NPY2R: variants seen among roughly 807,000 people sequenced by gnomAD.
NPY2R encodes neuropeptide Y receptor Y2.
A neutral mutation model predicts 22.3 loss-of-function variants in NPY2R; 17 were observed. The ratio of observed to expected loss-of-function variants is 0.76; its 90% CI spans 0.52 to 1.14. The LOEUF is 1.14. Ranked by LOEUF, NPY2R falls within the 50% of genes most tolerant of loss-of-function variation. The pLI is 0.00. For missense variants in NPY2R, 424 were observed against 467.9 expected (o/e 0.91, Z 0.87); for synonymous variants, 209 against 183.4 (o/e 1.14, Z -1.13).
the NPY2R span, chr4:155,174,235 C>A: frequency 6.6e-6 from 1 of 151,840 alleles, no homozygotes; most frequent in African/African-American, 2.4e-5. Flanking sequence ...AACCAAGTTT[C>A]CCTTAAATAA....
the NPY2R span, among the ~76,000 whole-genome samples, chr4:155,192,311 C>T: frequency 6.6e-6 from 1 of 151,758 alleles, no homozygotes; most frequent in African/African-American, 2.4e-5. Flanking sequence ...TTAGAACCAA[C>T]TCCAAGAGGC....
At chr4:155,179,784 C>T in the NPY2R span, among the ~76,000 whole-genome samples, 1 of 152,142 alleles carries the variant, frequency 6.6e-6, no homozygotes, top group East Asian at 1.9e-4. Context: ...GATATTCTAT[C>T]CCACAAATTC....
At chr4:155,199,388 A>G in the NPY2R span, among the ~76,000 whole-genome samples, 1 of 152,250 alleles carries the variant, frequency 6.6e-6, no homozygotes, top group East Asian at 1.9e-4. Flanking sequence ...ATGGAAAAAC[A>G]TTTCATCCTC....
In NPY2R at chr4:155,216,856, C is replaced by T. The variant is rs1215080356; in HGVS notation, c.*1771C>T. ...AGTAGCAGTCACTTTGCTTAAGATGCTAATAGAAAACTGTGGTTAAAGATT... is the reference window on the plus strand; with the variant it reads ...AGTAGCAGTCACTTTGCTTAAGATGTTAATAGAAAACTGTGGTTAAAGATT... On this transcript the variant is annotated 3_prime_UTR_variant, in exon 2 of 2. Transcript: ENST00000329476. 6.0e-6 allele frequency: 1 copy of T among 166,896 alleles called. No homozygotes were observed. The highest frequency in any genetic ancestry group is 1.5e-5 in the Non-Finnish European group (1 of 68,072). 10.3% of individuals were successfully genotyped at this position (166,896 alleles called of 1,614,324 possible).
chr4:155,206,680 C>T (rs2111030143), upstream of NPY2R: 1 of 152,314 alleles, frequency 6.6e-6, no homozygotes, highest in South Asian at 2.1e-4. Flanking sequence ...TTGGTTATGG[C>T]TGCTAATACG....
chr4:155,205,785 G>T (rs1203926578), upstream of NPY2R, among the ~76,000 whole-genome samples: 2 of 151,194 alleles, frequency 1.3e-5, no homozygotes, highest in East Asian at 1.9e-4. Context: ...AATATTGGAG[G>T]CCCATGATGA....
At chr4:155,177,354 G>A in the NPY2R span, among the ~76,000 whole-genome samples, 2 of 152,152 alleles carry the variant, frequency 1.3e-5, no homozygotes, top group African/African-American at 4.8e-5. Context: ...ATCTAAAAGG[G>A]AGAAATAAGC....
At chr4:155,174,484 A>ATATATATATATATATATATTTTTTTTT in the NPY2R span, among the ~76,000 whole-genome samples, 1 of 106,120 alleles carries the variant, frequency 9.4e-6, no homozygotes, top group African/African-American at 4.5e-5. Flanking sequence ...ATATATATAT[A>ATATATATATATATATATATTTTTTTTT]TTTTTTTTTT....
chr4:155,193,467 G>T, the NPY2R span, among the ~76,000 whole-genome samples: 6 of 151,860 alleles, frequency 4.0e-5, no homozygotes, highest in African/African-American at 1.2e-4. Context: ...ATAAGGGCTC[G>T]CCTGAGAAAT....
At chr4:155,185,039 T>C in the NPY2R span, among the ~76,000 whole-genome samples, 129 of 96,632 alleles carry the variant, frequency 1.3e-3, no homozygotes, top group African/African-American at 4.8e-3. Flanking sequence ...ACTATATATA[T>C]ATATATTTTT....
the NPY2R span, among the ~76,000 whole-genome samples, chr4:155,182,834 C>T: frequency 6.6e-6 from 1 of 151,960 alleles, no homozygotes; most frequent in Non-Finnish European, 1.5e-5. Flanking sequence ...GCTGTTTCAC[C>T]CAGGCTGGAG....
chr4:155,196,045 G>GA, the NPY2R span, among the ~76,000 whole-genome samples: 5 of 151,862 alleles, frequency 3.3e-5, no homozygotes, highest in Non-Finnish European at 2.9e-5. Context: ...TTTCTAAAAT[G>GA]AAAAAAAATC....
chr4:155,176,913 C>G, the NPY2R span, among the ~76,000 whole-genome samples: 1 of 152,230 alleles, frequency 6.6e-6, no homozygotes, highest in Admixed American at 6.5e-5. Context: ...ACACTGTGTT[C>G]CCATGGCGGA....
chr4:155,193,971 A>G, the NPY2R span, among the ~76,000 whole-genome samples: 2 of 151,968 alleles, frequency 1.3e-5, no homozygotes, highest in African/African-American at 4.8e-5. Context: ...TGAAAGTGCT[A>G]CAAGTGTCAA....
upstream of NPY2R, among the ~76,000 whole-genome samples, chr4:155,205,406 A>G (rs954529376): frequency 6.6e-6 from 1 of 152,200 alleles, no homozygotes; most frequent in African/African-American, 2.4e-5. Flanking sequence ...GTTAAAATGA[A>G]ATTACAGTGC....
chr4:155,180,902 G>T, the NPY2R span, among the ~76,000 whole-genome samples: 1 of 151,436 alleles, frequency 6.6e-6, no homozygotes, highest in Admixed American at 6.6e-5. Flanking sequence ...CTATACATTC[G>T]AACTGATGAA....
upstream of NPY2R, among the ~76,000 whole-genome samples, chr4:155,204,512 C>T (rs532496215): frequency 6.6e-6 from 1 of 152,218 alleles, no homozygotes; most frequent in East Asian, 1.9e-4. Flanking sequence ...CGCTCTTACT[C>T]CCTGCTGGAT....
the NPY2R span, among the ~76,000 whole-genome samples, chr4:155,176,817 T>A: frequency 2.9e-3 from 435 of 152,186 alleles, 4 homozygotes; most frequent in South Asian, 0.011. Context: ...CAGTGTCCCT[T>A]CCAAAATGGT....
chr4:155,180,713 G>A, the NPY2R span, among the ~76,000 whole-genome samples: 1 of 151,568 alleles, frequency 6.6e-6, no homozygotes, highest in Non-Finnish European at 1.5e-5. Flanking sequence ...TTCCAATTAG[G>A]CTTCATGTTT....
Sources: allele counts gnomAD v4.1 joint callset (sites outside exome capture counted in the v4.1 genomes callset), GRCh38; gene constraint gnomAD v4.1.1; transcripts MANE v1.5; gene names NCBI Gene and HGNC (gene_info 2026-07-23, HGNC 2026-07-21).